MEGF6: variants seen among roughly 807,000 people sequenced by gnomAD.
MEGF6 encodes multiple EGF like domains 6, also known as multiple epidermal growth factor-like domains protein 6.
In MEGF6, 184 loss-of-function variants were observed where a neutral mutation model predicts 207.1. The observed-to-expected ratio is 0.89, with a 90% CI of 0.79 to 1.00. The LOEUF is 1.00. MEGF6 is among the 50% of genes least tolerant of loss of function. MEGF6 has a pLI of 0.00. For missense variants in MEGF6, 2,282 were observed against 2,202.9 expected, an observed-to-expected ratio of 1.04 and a Z score of -0.72; for synonymous variants, 1,038 against 910.0, an observed-to-expected ratio of 1.14 and a Z score of -2.53.
At chr1:3,600,009 G>A (rs1644133620) in intron 2 of MEGF6, among the ~76,000 whole-genome samples, 1 of 152,150 alleles carries the variant, frequency 6.6e-6, no homozygotes, top group African/African-American at 2.4e-5. Flanking sequence ...GAAACCACGA[G>A]CCTCCCATGG....
intron 1 of MEGF6, among the ~76,000 whole-genome samples, chr1:3,609,163 T>C (rs534743673): frequency 6.6e-6 from 1 of 152,270 alleles, no homozygotes; most frequent in South Asian, 2.1e-4. Context: ...CTCTCTGGGA[T>C]CTGGCCTGCT....
intron 4 of MEGF6, among the ~76,000 whole-genome samples, chr1:3,535,727 C>T (rs1303276777): frequency 6.6e-6 from 1 of 152,224 alleles, no homozygotes; most frequent in Non-Finnish European, 1.5e-5. Context: ...CCTGGGGTTT[C>T]GCTAAGCCAG....
intron 1 of MEGF6, among the ~76,000 whole-genome samples, chr1:3,606,028 A>C (rs1440017357): frequency 1.3e-5 from 2 of 152,232 alleles, no homozygotes; most frequent in Non-Finnish European, 2.9e-5. Flanking sequence ...TGTCCCCCTG[A>C]AACTTCAAAA....
intron 1 of MEGF6, among the ~76,000 whole-genome samples, chr1:3,604,859 G>A (rs1317723459): frequency 6.6e-6 from 1 of 152,096 alleles, no homozygotes; most frequent in Admixed American, 6.5e-5. Context: ...ATCAGGGACA[G>A]AGGGTCACGT....
chr1:3,489,394 G>A lies in MEGF6; in HGVS notation c.*1134C>T, dbSNP rs74050542. Reference sequence around the variant, plus strand: ...GAGAGTCCTATGTTGCGGTGTGAGTGCAGCCCTCTCCATTGGCCACCCCAC... The same window carrying A: ...GAGAGTCCTATGTTGCGGTGTGAGTACAGCCCTCTCCATTGGCCACCCCAC... On this transcript the variant is annotated 3_prime_UTR_variant, in exon 37 of 37. Coordinates refer to ENST00000356575, the MANE Select transcript of MEGF6 (RefSeq NM_001409.4). 0.03 allele frequency among the ~76,000 whole-genome samples: 4,545 copies of A among 152,290 alleles called. 246 individuals are homozygous for A. The highest frequency in any genetic ancestry group is 0.1 in the African/African-American group (4,341 of 41,526).
At chr1:3,532,917 G>C (rs747428759) in intron 4 of MEGF6, among the ~76,000 whole-genome samples, 1 of 152,208 alleles carries the variant, frequency 6.6e-6, no homozygotes, top group Non-Finnish European at 1.5e-5. Flanking sequence ...CCATTTTAGA[G>C]GTGAGGAAAC....
At chr1:3,570,408 G>A (rs367633770) in intron 4 of MEGF6, among the ~76,000 whole-genome samples, 2 of 152,232 alleles carry the variant, frequency 1.3e-5, no homozygotes, top group African/African-American at 4.8e-5. Flanking sequence ...CAGTTAAAGA[G>A]GATGTGCGTG....
At position 3,494,696 on chromosome 1, in the gene MEGF6, G is replaced by A. The variant is rs562146896; in HGVS notation, c.3917C>T (p.Ser1306Phe). The change falls in exon 31 of 37, where the codon TCC becomes TTC. Residue 1306 changes from serine to phenylalanine, a missense_variant. Coordinates refer to ENST00000356575, the MANE Select transcript of MEGF6 (RefSeq NM_001409.4). ...RFGVGCEHTC[S>F]CRNGGLCHAS... Reference sequence around the variant, plus strand: ...GTGGCACAGGCCCCCATTTCTGCAGGAGCAGGTGTGCTCGCAGCCCACGCC... The same window carrying A: ...GTGGCACAGGCCCCCATTTCTGCAGAAGCAGGTGTGCTCGCAGCCCACGCC... 5 of 1,583,170 alleles carry A rather than the reference G, an allele frequency of 3.2e-6. No homozygotes were observed. In the East Asian group the frequency reaches 9.2e-5, roughly 29 times the overall value.
chr1:3,511,043 A>G, intron 9 of MEGF6, 141 bp from the exon 10 acceptor site: 1 of 1,222,844 alleles, frequency 8.2e-7, no homozygotes, highest in African/African-American at 1.5e-5. Context: ...ACGTGTGCAC[A>G]CCGACATTCA....
At chr1:3,541,829 CG>C (rs1642533893) in intron 4 of MEGF6, among the ~76,000 whole-genome samples, 1 of 152,084 alleles carries the variant, frequency 6.6e-6, no homozygotes, top group Admixed American at 6.5e-5. Flanking sequence ...CTGGGGGCAC[CG>C]TGGGGGGAGT....
intron 1 of MEGF6, among the ~76,000 whole-genome samples, chr1:3,603,105 C>T (rs116752847): frequency 0.012 from 1,753 of 152,326 alleles, 38 homozygotes; most frequent in African/African-American, 0.04. Flanking sequence ...ATGACCCACA[C>T]TGGTGAGTGT....
chr1:3,495,820 G>A, intron 30 of MEGF6, 70 bp downstream of exon 30: 1 of 1,542,242 alleles, frequency 6.5e-7, no homozygotes, highest in Non-Finnish European at 8.7e-7. Flanking sequence ...CCCCTCCAGT[G>A]TCCCCACGGC....
Position 3,512,100 on chromosome 1 carries a change from G to GGCACACACTGT in MEGF6, c.881_882insACAGTGTGTGC (p.Ala297ValfsTer40), listed in dbSNP as rs1269914567. The stretch of plus-strand genomic sequence containing the variant: ...TGTTGAGGCAGCCATGGGCACACTG[G>GGCACACACTGT]GCCAGCCCTGCGGCACATTCGTCCA... On this transcript the variant is annotated frameshift_variant, in exon 8 of 37. Transcript: ENST00000356575. LOFTEE classifies it high-confidence loss of function. The GGCACACACTGT allele has an allele frequency of 1.2e-6, 2 of 1,610,658 alleles. No homozygotes were observed. Among genetic ancestry groups the GGCACACACTGT allele is most frequent in the Admixed American group, 3.3e-5 (2 of 59,892 alleles).
intron 4 of MEGF6, among the ~76,000 whole-genome samples, chr1:3,540,892 C>T (rs140672468): frequency 2.4e-3 from 364 of 152,324 alleles, no homozygotes; most frequent in Non-Finnish European, 3.9e-3. Flanking sequence ...ACATTCAGGT[C>T]GCGGCACCAG....
intron 3 of MEGF6, among the ~76,000 whole-genome samples, chr1:3,581,914 C>T (rs7528917): frequency 0.21 from 32,359 of 151,950 alleles, 3,866 homozygotes; most frequent in East Asian, 0.37. Flanking sequence ...TCCCCTAAAC[C>T]CCATACCATT....
Position 3,509,963 on chromosome 1 carries a change from C to T in MEGF6, c.1264G>A (p.Gly422Ser), listed in dbSNP as rs377343801. The T allele has an allele frequency of 2.8e-5, 45 of 1,584,828 alleles. 1 individual carries two copies. In the Admixed American group the frequency reaches 6.8e-4, roughly 24 times the overall value. Residue 422 changes from glycine to serine, a missense_variant, in exon 11 of 37, where the codon GGC becomes AGC. Gly to Ser is a moderately conservative substitution (Grantham distance 56, BLOSUM62 0). Transcript: ENST00000356575. ...DVDECASSRGGCEHHCTNLAG... is the reference protein window; with the variant it reads ...DVDECASSRGSCEHHCTNLAG... ...AGGTTGGTGCAGTGGTGCTCGCAGC[C>T]GCCACGGCTGGAGGCGCACTCATCC... is the stretch of plus-strand genomic sequence containing the variant.
chr1:3,615,779 T>G (rs1244549660), upstream of MEGF6, among the ~76,000 whole-genome samples: 1 of 152,140 alleles, frequency 6.6e-6, no homozygotes, highest in African/African-American at 2.4e-5. Context: ...GGCTCAGCTC[T>G]CCTGCTTCTC....
chr1:3,525,024 G>A (rs887116083), intron 4 of MEGF6, among the ~76,000 whole-genome samples: 11 of 152,182 alleles, frequency 7.2e-5, no homozygotes, highest in African/African-American at 1.4e-4. Context: ...TCCAGATGGC[G>A]ACAGAAGAAA....
At position 3,495,960 on chromosome 1, in the gene MEGF6, C is replaced by T. The variant is rs758962363; in HGVS notation, c.3801G>A (p.Gly1267=). ...NCTHVCGCGQ[G]AACDPVTGTC... is the part of the protein sequence containing the mutation. ...TGCCGGTCACAGGGTCGCAGGCCGC[C>T]CCCTGCCCACACCCACACACGTGGG... The change falls in exon 30 of 37, where the codon GGG becomes GGA. Residue 1267 remains glycine, a synonymous_variant. Coordinates refer to ENST00000356575, the MANE Select transcript of MEGF6 (RefSeq NM_001409.4). The T allele has an allele frequency of 6.3e-7, 1 of 1,584,264 alleles. No individual in the cohort carries two copies. Among genetic ancestry groups the T allele is most frequent in the Middle Eastern group, 1.7e-4 (1 of 5,984 alleles).
Sources: allele counts gnomAD v4.1 joint callset (sites outside exome capture counted in the v4.1 genomes callset), GRCh38; gene constraint gnomAD v4.1.1; transcripts MANE v1.5; gene names NCBI Gene and HGNC (gene_info 2026-07-23, HGNC 2026-07-21).